SERPINB10: variants seen among roughly 807,000 people sequenced by gnomAD.
SERPINB10 encodes the protein serpin family B member 10.
Under a neutral mutation model 39.1 loss-of-function variants are expected in SERPINB10, and 35 were observed. The ratio of observed to expected loss-of-function variants is 0.90; its 90% CI spans 0.68 to 1.19. The LOEUF (loss-of-function observed/expected upper bound fraction) is 1.19. SERPINB10 is among the 50% of genes most tolerant of loss of function. The pLI is 0.00. For missense variants in SERPINB10, 546 were observed against 460.5 expected (o/e 1.19, Z -1.70); for synonymous variants, 190 against 158.1 (o/e 1.20, Z -1.52).
At chr18:63,912,913 G>T (rs188490893) in intron 1 of SERPINB10, among the ~76,000 whole-genome samples, 1 of 151,578 alleles carries the variant, frequency 6.6e-6, no homozygotes, top group Non-Finnish European at 1.5e-5. Context: ...GTTCCAGGGC[G>T]TTTTTTGGTT....
At chr18:63,927,432 A>T (rs1228077787) in intron 5 of SERPINB10, among the ~76,000 whole-genome samples, 1 of 152,064 alleles carries the variant, frequency 6.6e-6, no homozygotes, top group Non-Finnish European at 1.5e-5. Flanking sequence ...CTTATTGCTC[A>T]CAGTTCTGGA....
chr18:63,911,561 T>C (rs926071849), intron 1 of SERPINB10, among the ~76,000 whole-genome samples: 4 of 151,956 alleles, frequency 2.6e-5, no homozygotes, highest in Non-Finnish European at 5.9e-5. Flanking sequence ...TGTTTTTGTT[T>C]ACTTTGGTAA....
At chr18:63,908,246 G>A (rs2050039666) in intron 1 of SERPINB10, among the ~76,000 whole-genome samples, 1 of 151,918 alleles carries the variant, frequency 6.6e-6, no homozygotes, top group African/African-American at 2.4e-5. Context: ...AAGGGATATG[G>A]GAGAAAGAAC....
At chr18:63,932,435 C>T (rs1416817850) in intron 6 of SERPINB10, among the ~76,000 whole-genome samples, 1 of 152,116 alleles carries the variant, frequency 6.6e-6, no homozygotes, top group Non-Finnish European at 1.5e-5. Flanking sequence ...ATATTTTAGC[C>T]ATTCTAGTAG....
chr18:63,932,967 G>T (rs929622216), intron 6 of SERPINB10, 81 bp from the exon 7 acceptor site: 2 of 1,314,420 alleles, frequency 1.5e-6, no homozygotes, highest in African/African-American at 1.5e-5. Context: ...GAGAGCCAAT[G>T]ATGGTAGAGA....
At chr18:63,913,700 A>G (rs1466834930) in intron 1 of SERPINB10, among the ~76,000 whole-genome samples, 1 of 152,090 alleles carries the variant, frequency 6.6e-6, no homozygotes, top group Non-Finnish European at 1.5e-5. Flanking sequence ...CATGTAATCA[A>G]TCTTGGAGTA....
intron 5 of SERPINB10, among the ~76,000 whole-genome samples, chr18:63,928,514 C>T (rs1051514610): frequency 6.6e-6 from 1 of 152,030 alleles, no homozygotes; most frequent in Non-Finnish European, 1.5e-5. Flanking sequence ...AACATTGGCA[C>T]AGCCTTTCAG....
At chr18:63,930,296 T>C in intron 6 of SERPINB10, 109 bp downstream of exon 6, 1 of 1,244,564 alleles carries the variant, frequency 8.0e-7, no homozygotes, top group Non-Finnish European at 1.1e-6. Flanking sequence ...ACTATGGCTC[T>C]TACCAGGGAA....
intron 7 of SERPINB10, among the ~76,000 whole-genome samples, chr18:63,934,337 G>A (rs1039665373): frequency 6.6e-6 from 1 of 150,546 alleles, no homozygotes; most frequent in Admixed American, 6.6e-5. Context: ...AGATTTGGAG[G>A]ATTTTCTTAT....
intron 5 of SERPINB10, among the ~76,000 whole-genome samples, chr18:63,920,702 T>C (rs190604654): frequency 5.9e-5 from 9 of 152,118 alleles, no homozygotes; most frequent in African/African-American, 2.2e-4. Context: ...GGGTGACCAG[T>C]GCATTCTGGT....
In SERPINB10 at chr18:63,924,297, G is replaced by C. The variant is rs144578285; in HGVS notation, c.490+4392G>C. Among the ~76,000 whole-genome samples the C allele has an allele frequency of 2.2e-3, 331 of 151,956 alleles. 2 individuals are homozygous for C. The highest frequency in any genetic ancestry group is 7.7e-3 in the African/African-American group (319 of 41,478). ...GCATGGGAAGCTTCCAGTTTTTCTTGGGAATTCCTAGTACCTTGGGAACAC... is the reference window on the plus strand; with the variant it reads ...GCATGGGAAGCTTCCAGTTTTTCTTCGGAATTCCTAGTACCTTGGGAACAC... On this transcript the variant is annotated intron_variant, in intron 5 of 7. Coordinates refer to ENST00000238508, the MANE Select transcript of SERPINB10 (RefSeq NM_005024.3).
At chr18:63,934,057 T>A (rs999346022) in intron 7 of SERPINB10, among the ~76,000 whole-genome samples, 1 of 152,158 alleles carries the variant, frequency 6.6e-6, no homozygotes, top group African/African-American at 2.4e-5. Context: ...AGAAGTGCAA[T>A]TTCCTGAGCT....
At chr18:63,910,131 C>A (rs1289554319) in intron 1 of SERPINB10, among the ~76,000 whole-genome samples, 1 of 151,910 alleles carries the variant, frequency 6.6e-6, no homozygotes, top group African/African-American at 2.4e-5. Context: ...TCTACACATG[C>A]CTCTCTCATG....
Position 63,935,593 on chromosome 18 carries a change from A to G in SERPINB10, c.*351A>G, listed in dbSNP as rs147349552. The G allele has an allele frequency of 6.7e-3, 1,174 of 175,972 alleles. 16 individuals carry two copies. The highest frequency in any genetic ancestry group is 0.025 in the African/African-American group (1,075 of 42,506). The allele number at this position is 175,972 out of a possible 1,614,324, so 10.9% of individuals were successfully genotyped here. On this transcript the variant is annotated 3_prime_UTR_variant, in exon 8 of 8. Coordinates refer to ENST00000238508, the MANE Select transcript of SERPINB10 (RefSeq NM_005024.3). ...CATATACATCATTAAATGAAAAAAA[A>G]TCTTTATAAAGGTGATATGATATTG...
chr18:63,919,707 T>C lies in SERPINB10; in HGVS notation c.373-81T>C, dbSNP rs2050132169. The C allele has an allele frequency of 4.2e-6, 4 of 944,764 alleles. No homozygotes were observed. The Admixed American group carries it at 6.5e-5, about 15-fold the overall frequency. 58.5% of individuals were successfully genotyped at this position (944,764 alleles called of 1,614,324 possible). A position where few individuals can be genotyped will look rare whatever the true frequency, so the allele number is the denominator to read the frequency against. On this transcript the variant is annotated intron_variant, in intron 4 of 7. Transcript: ENST00000238508. ...AGTGTGCAATTGCCCGCCTACCTAG[T>C]TCTTTTGATAATCTAAATAGATTTG...
rs560230897 is a variant in SERPINB10, at chr18:63,935,082, A to G, written c.1034A>G (p.Asn345Ser). The change falls in exon 8 of 8, where the codon AAT (asparagine) becomes AGT (serine). Residue 345 changes from asparagine (N) to serine (S), a missense_variant. Physicochemically the swap from Asn to Ser is conservative, Grantham distance 46. Coordinates refer to ENST00000238508, the MANE Select transcript of SERPINB10 (RefSeq NM_005024.3). Reference sequence around the variant, plus strand: ...TTCCATAAGGCTTTTGTGGAAATAAATGAACAAGGTACTGAAGCTGCAGCT... The same window carrying G: ...TTCCATAAGGCTTTTGTGGAAATAAGTGAACAAGGTACTGAAGCTGCAGCT... The part of the protein sequence containing the change: ...NVFHKAFVEI[N>S]EQGTEAAAGS... 1.3e-5 allele frequency: 21 copies of G among 1,614,212 alleles called. No individual in the cohort carries two copies. The South Asian group carries it at 2.1e-4, about 16-fold the overall frequency.
intron 4 of SERPINB10, among the ~76,000 whole-genome samples, chr18:63,918,651 T>C (rs1477042718): frequency 6.6e-6 from 1 of 152,014 alleles, no homozygotes; most frequent in Non-Finnish European, 1.5e-5. Context: ...GGAAATTAGA[T>C]AGGGTAGAAG....
At chr18:63,919,243 T>A (rs932954032) in intron 4 of SERPINB10, among the ~76,000 whole-genome samples, 5 of 151,428 alleles carry the variant, frequency 3.3e-5, no homozygotes, top group Admixed American at 1.3e-4. Context: ...CTCATTTTTT[T>A]TTTTTTTGCC....
intron 6 of SERPINB10, among the ~76,000 whole-genome samples, chr18:63,930,934 T>C (rs1455580095): frequency 6.6e-6 from 1 of 152,150 alleles, no homozygotes; most frequent in Non-Finnish European, 1.5e-5. Context: ...CCACAAACAG[T>C]GCTGCTGTGG....
Sources: allele counts gnomAD v4.1 joint callset (sites outside exome capture counted in the v4.1 genomes callset), GRCh38; gene constraint gnomAD v4.1.1; transcripts MANE v1.5; gene names NCBI Gene and HGNC (gene_info 2026-07-23, HGNC 2026-07-21).